The following TACR1 variants were observed in gnomAD, a reference collection of about 807,000 sequenced individuals.
TACR1 encodes the protein substance-P receptor.
In TACR1, 25 loss-of-function variants were observed where a neutral mutation model predicts 35.8. The observed-to-expected ratio is 0.70, with a 90% CI of 0.51 to 0.98. TACR1 has a LOEUF of 0.98. Among genes scored for constraint, TACR1 ranks in the 50% least tolerant of loss-of-function variants. The pLI is 0.00. For synonymous variants in TACR1, 195 were observed against 206.7 expected, an observed-to-expected ratio of 0.94 and a Z score of 0.48; for missense variants, 478 against 522.9, an observed-to-expected ratio of 0.91 and a Z score of 0.84.
intron 1 of TACR1, among the ~76,000 whole-genome samples, chr2:75,164,744 T>G (rs1675100042): frequency 1.3e-5 from 2 of 152,208 alleles, no homozygotes; most frequent in South Asian, 4.1e-4. Flanking sequence ...CTCCGAGTGC[T>G]CCTGGAAGGC....
intron 1 of TACR1, among the ~76,000 whole-genome samples, chr2:75,195,197 T>C (rs1242553236): frequency 6.6e-6 from 1 of 152,200 alleles, no homozygotes; most frequent in Non-Finnish European, 1.5e-5. Context: ...AAATCCCTGG[T>C]ATTTGTTGGA....
intron 1 of TACR1, among the ~76,000 whole-genome samples, chr2:75,131,508 A>G (rs562563554): frequency 7.2e-5 from 11 of 152,340 alleles, no homozygotes; most frequent in African/African-American, 2.6e-4. Flanking sequence ...AGTGAAGATT[A>G]ATTTGTTTTG....
chr2:75,119,634 C>T (rs191923777), intron 2 of TACR1, among the ~76,000 whole-genome samples: 36 of 152,284 alleles, frequency 2.4e-4, no homozygotes, highest in African/African-American at 7.5e-4. Context: ...TGGGATACTT[C>T]GAGAAACCCT....
At position 75,162,043 on chromosome 2, in the gene TACR1, C is replaced by CAAAAAA. The variant is rs35438025; in HGVS notation, c.389+36497_389+36502dup. On this transcript the variant is annotated intron_variant, in intron 1 of 4. Coordinates refer to ENST00000305249, the MANE Select transcript of TACR1 (RefSeq NM_001058.4). ...AGATGCTAACAAGTATTGACTCTTCCAAAAAAAAAAAAAAAAAAAAGAAGT... is the reference window on the plus strand; with the variant it reads ...AGATGCTAACAAGTATTGACTCTTCCAAAAAAAAAAAAAAAAAAAAAAAAAAGAAGT... 4.8e-4 allele frequency among the ~76,000 whole-genome samples: 45 copies of CAAAAAA among 94,010 alleles called. 2 individuals carry two copies. Among genetic ancestry groups the CAAAAAA allele is most frequent in the East Asian group, 9.7e-4 (3 of 3,090 alleles). 61.7% of individuals were successfully genotyped at this position (94,010 alleles called of 152,430 possible). A position where few individuals can be genotyped will look rare whatever the true frequency, so the allele number is the denominator to read the frequency against.
At chr2:75,113,813 G>C (rs142444244) in intron 2 of TACR1, among the ~76,000 whole-genome samples, 1 of 152,052 alleles carries the variant, frequency 6.6e-6, no homozygotes, top group Non-Finnish European at 1.5e-5. Flanking sequence ...CCAAGGCCTA[G>C]AGCAGCTTGC....
chr2:75,198,554 G>A lies in TACR1; in HGVS notation c.381C>T (p.Ala127=). Residue 127 remains alanine (A), a synonymous_variant, in exon 1 of 5, where the codon GCC becomes GCT. Coordinates refer to ENST00000305249, the MANE Select transcript of TACR1 (RefSeq NM_001058.4). ...FASIYSMTAV[A]FDRYMAIIHP... ...ACAAAGGCTAATCTCACCTATCAAA[G>A]GCCACAGCCGTCATGGAGTAGATAC... 3 of 1,612,448 alleles carry A rather than the reference G, an allele frequency of 1.9e-6. No individual in the cohort carries two copies. Among genetic ancestry groups the A allele is most frequent in the Non-Finnish European group, 2.5e-6 (3 of 1,178,576 alleles).
chr2:75,076,721 G>A (rs903187563), intron 2 of TACR1, among the ~76,000 whole-genome samples: 2 of 152,054 alleles, frequency 1.3e-5, no homozygotes, highest in Non-Finnish European at 2.9e-5. Context: ...AATCACTGGG[G>A]CAACGTTAGC....
intron 1 of TACR1, among the ~76,000 whole-genome samples, chr2:75,134,583 G>C (rs1212670375): frequency 6.6e-6 from 1 of 152,188 alleles, no homozygotes; most frequent in Non-Finnish European, 1.5e-5. Context: ...TGACCTGAAA[G>C]GTTGAGCTGG....
chr2:75,078,437 C>T (rs531941006), intron 2 of TACR1, among the ~76,000 whole-genome samples: 1 of 152,138 alleles, frequency 6.6e-6, no homozygotes, highest in South Asian at 2.1e-4. Flanking sequence ...CAGTACCTGC[C>T]TCATGGTAGG....
At chr2:75,149,685 A>C (rs569912293) in intron 1 of TACR1, among the ~76,000 whole-genome samples, 1 of 152,170 alleles carries the variant, frequency 6.6e-6, no homozygotes. Context: ...TCATCTGCGA[A>C]CAGAGACAAT....
At chr2:75,102,048 A>G (rs1466879050) in intron 2 of TACR1, among the ~76,000 whole-genome samples, 1 of 152,222 alleles carries the variant, frequency 6.6e-6, no homozygotes, top group Non-Finnish European at 1.5e-5. Context: ...CAGAGGCTCA[A>G]AAAGCATTAG....
chr2:75,076,275 G>A (rs768459864), intron 2 of TACR1, among the ~76,000 whole-genome samples: 18 of 152,196 alleles, frequency 1.2e-4, no homozygotes, highest in Non-Finnish European at 2.1e-4. Flanking sequence ...GGCAGCTGGC[G>A]CTGTTTACTC....
chr2:75,082,654 T>C (rs986585191), intron 2 of TACR1, among the ~76,000 whole-genome samples: 3 of 152,246 alleles, frequency 2.0e-5, no homozygotes, highest in African/African-American at 7.2e-5. Context: ...GTGGTTTTGA[T>C]TTGCATTTCT....
intron 2 of TACR1, among the ~76,000 whole-genome samples, chr2:75,100,158 A>G (rs537996588): frequency 2.0e-5 from 3 of 152,156 alleles, no homozygotes; most frequent in South Asian, 4.2e-4. Context: ...GTAGTAGCTA[A>G]TGAGTGAGCT....
rs920322658 is a variant in TACR1 at position 75,085,897 on chromosome 2, C to T, written c.585-32142G>A. Among the ~76,000 whole-genome samples, 24 of 152,192 alleles carry T rather than the reference C, an allele frequency of 1.6e-4. 1 individual carries two copies. The highest frequency in any genetic ancestry group is 1.5e-3 in the Admixed American group (23 of 15,278). On this transcript the variant is annotated intron_variant, in intron 2 of 4. Transcript: ENST00000305249. ...TCCCCTCTGGAATTCTTTATGTACA[C>T]CACTAGTATGCACCAGTATTTTTAG...
intron 1 of TACR1, among the ~76,000 whole-genome samples, chr2:75,167,731 T>G (rs1675179680): frequency 6.6e-6 from 1 of 152,162 alleles, no homozygotes; most frequent in African/African-American, 2.4e-5. Context: ...TATGTAGAAC[T>G]CTGAATGTCA....
At position 75,120,828 on chromosome 2, in the gene TACR1, T is replaced by C. The variant is rs1572941792; in HGVS notation, c.390-60A>G. The stretch of plus-strand genomic sequence containing the variant: ...GGTCACCAAAATCTGTATCAGAGAT[T>C]CCATATTTTTCCTGCCAATAAGAAA... On this transcript the variant is annotated intron_variant, in intron 1 of 4. Transcript: ENST00000305249. 20 of 1,336,724 alleles carry C rather than the reference T, an allele frequency of 1.5e-5. No homozygotes were observed. In the East Asian group the frequency reaches 4.2e-4, roughly 28 times the overall value. 82.8% of individuals were successfully genotyped at this position (1,336,724 alleles called of 1,614,324 possible). A position where few individuals can be genotyped will look rare whatever the true frequency, so the allele number is the denominator to read the frequency against.
At chr2:75,155,990 G>A (rs931045338) in intron 1 of TACR1, among the ~76,000 whole-genome samples, 5 of 152,052 alleles carry the variant, frequency 3.3e-5, no homozygotes, top group Non-Finnish European at 7.3e-5. Context: ...ATAAAAAGAA[G>A]ACTATTTCAC....
chr2:75,138,957 A>G (rs1001264370), intron 1 of TACR1, among the ~76,000 whole-genome samples: 7 of 152,192 alleles, frequency 4.6e-5, no homozygotes, highest in Admixed American at 2.6e-4. Flanking sequence ...GGTAAGTCCT[A>G]TGAAAAAGAA....
Sources: gnomAD v4.1 joint callset for allele counts (sites outside exome capture counted in the v4.1 genomes callset) on GRCh38, gnomAD v4.1.1 for gene constraint, MANE v1.5 for transcripts, NCBI Gene and HGNC (gene_info 2026-07-23, HGNC 2026-07-21) for gene names.